The following PLXNA4 variants were observed in gnomAD, a reference collection of about 807,000 sequenced individuals.
The protein encoded by PLXNA4 is plexin A4, also known as plexin-A4.
Under a neutral mutation model 191.8 loss-of-function variants are expected in PLXNA4, and 44 were observed. That is an observed-to-expected ratio of 0.23 (90% CI 0.18 to 0.29). The LOEUF (loss-of-function observed/expected upper bound fraction) is 0.29, where lower values mean the gene tolerates loss of function less well. Ranked by LOEUF, PLXNA4 falls within the 10% of genes least tolerant of loss-of-function variation. The pLI, the probability that PLXNA4 is intolerant of heterozygous loss-of-function variation, is 1.00. For synonymous variants in PLXNA4, 1,082 were observed against 1,009.5 expected, an observed-to-expected ratio of 1.07 and a Z score of -1.36; for missense variants, 1,800 against 2,488.8, an observed-to-expected ratio of 0.72 and a Z score of 5.89.
chr7:132,211,881 C>T (rs1797813813), intron 9 of PLXNA4, among the ~76,000 whole-genome samples: 1 of 152,138 alleles, frequency 6.6e-6, no homozygotes, highest in Non-Finnish European at 1.5e-5. Flanking sequence ...CCCCTTTTTC[C>T]TGGGGCTATC....
At chr7:132,363,338 C>G (rs1804023149) in intron 3 of PLXNA4, among the ~76,000 whole-genome samples, 1 of 152,184 alleles carries the variant, frequency 6.6e-6, no homozygotes, top group South Asian at 2.1e-4. Context: ...TAAACAACAA[C>G]TCCCCATTCT....
At chr7:132,644,026 T>C (rs1160674425) in intron 2 of PLXNA4, among the ~76,000 whole-genome samples, 1 of 152,110 alleles carries the variant, frequency 6.6e-6, no homozygotes, top group African/African-American at 2.4e-5. Context: ...TTTGTGAAAA[T>C]GTTTAATTTC....
At chr7:132,454,285 A>C (rs1000879306) in intron 3 of PLXNA4, among the ~76,000 whole-genome samples, 11 of 152,304 alleles carry the variant, frequency 7.2e-5, no homozygotes, top group Non-Finnish European at 1.5e-4. Context: ...CGTGACTCTT[A>C]AGCCTCATCT....
intron 3 of PLXNA4, chr7:132,365,855 A>G (rs1232600453): frequency 1.3e-5 from 2 of 152,154 alleles, no homozygotes; most frequent in Non-Finnish European, 2.9e-5. Flanking sequence ...CTCTGCTTTC[A>G]TGTCGCTAAC....
intron 5 of PLXNA4, among the ~76,000 whole-genome samples, chr7:132,239,551 G>T (rs2117032002): frequency 6.6e-6 from 1 of 152,276 alleles, no homozygotes; most frequent in Admixed American, 6.5e-5. Context: ...CCCAAGTAAG[G>T]CAATGAGTTT....
At chr7:132,430,138 C>T (rs757062935) in intron 3 of PLXNA4, among the ~76,000 whole-genome samples, 2 of 152,180 alleles carry the variant, frequency 1.3e-5, no homozygotes, top group African/African-American at 2.4e-5. Flanking sequence ...ACTGCCTCTC[C>T]GTTTAGCAAC....
At chr7:132,454,023 C>T (rs1796224993) in intron 3 of PLXNA4, among the ~76,000 whole-genome samples, 1 of 152,216 alleles carries the variant, frequency 6.6e-6, no homozygotes, top group Non-Finnish European at 1.5e-5. Flanking sequence ...ACCCTTGTCC[C>T]TGCTCTCTGG....
intron 4 of PLXNA4, among the ~76,000 whole-genome samples, chr7:132,277,763 G>A (rs1038969052): frequency 7.9e-5 from 12 of 152,172 alleles, no homozygotes; most frequent in Admixed American, 2.6e-4. Flanking sequence ...TAGCAGGGCA[G>A]GAGAAACCAC....
rs11384399 is a variant in PLXNA4 at position 132,473,855 on chromosome 7, GA to G, written c.1371+15436del. 7.2e-3 allele frequency among the ~76,000 whole-genome samples: 1,057 copies of G among 145,988 alleles called. 14 individuals carry two copies. The highest frequency in any genetic ancestry group is 0.025 in the African/African-American group (994 of 39,098). On this transcript the variant is annotated intron_variant, in intron 3 of 31. Coordinates refer to ENST00000321063, the MANE Select transcript of PLXNA4 (RefSeq NM_020911.2). Reference sequence around the variant, plus strand: ...ATGTGCAAGACTCCGTCTCAAACAAGAAAAAAAAAAAGAAATTAAAATGTAC... The same window carrying G: ...ATGTGCAAGACTCCGTCTCAAACAAGAAAAAAAAAAGAAATTAAAATGTAC...
intron 3 of PLXNA4, among the ~76,000 whole-genome samples, chr7:132,300,882 C>G (rs1487531237): frequency 6.6e-6 from 1 of 152,236 alleles, no homozygotes; most frequent in Non-Finnish European, 1.5e-5. Context: ...TTGGCCTGAT[C>G]CCCAAATGAA....
chr7:132,508,189 C>T lies in PLXNA4; in HGVS notation c.505G>A (p.Val169Ile). The T allele has an allele frequency of 6.2e-7, 1 of 1,614,178 alleles. No homozygotes were observed. Among genetic ancestry groups the T allele is most frequent in the Non-Finnish European group, 8.5e-7 (1 of 1,180,022 alleles). The change falls in exon 2 of 32, where the codon GTC becomes ATC. Residue 169 changes from valine to isoleucine, a missense_variant. This residue lies in a region of PLXNA4 where 1,397 missense variants were observed against 1,880.4 expected (regional missense o/e 0.74). Transcript: ENST00000321063. The surrounding 1 kb of genome is among the most constrained non-coding windows in gnomAD (Gnocchi z 4.4). ...CTGTAGGAGACGATCACTCCAAAGA[C>T]TGAGCCGCTCTCGTTGACACCTGAC... ...YLSGVNESGS[V>I]FGVIVSYSNL...
intron 3 of PLXNA4, among the ~76,000 whole-genome samples, chr7:132,350,909 G>A (rs1458313909): frequency 6.6e-6 from 1 of 152,218 alleles, no homozygotes; most frequent in East Asian, 1.9e-4. Context: ...TAAAGAATGG[G>A]TGAATAAAAT....
intron 3 of PLXNA4, among the ~76,000 whole-genome samples, chr7:132,374,537 G>C (rs867786076): frequency 1.3e-5 from 2 of 152,170 alleles, no homozygotes; most frequent in Non-Finnish European, 1.5e-5. Flanking sequence ...GTATCAGAAC[G>C]CATCCATCAG....
At chr7:132,589,759 T>C (rs1244206202) in intron 2 of PLXNA4, among the ~76,000 whole-genome samples, 1 of 152,234 alleles carries the variant, frequency 6.6e-6, no homozygotes, top group African/African-American at 2.4e-5. Flanking sequence ...GCAATAGAAC[T>C]TCTTGCAGTG....
At chr7:132,378,572 G>T (rs561535746) in intron 3 of PLXNA4, among the ~76,000 whole-genome samples, 1 of 152,234 alleles carries the variant, frequency 6.6e-6, no homozygotes, top group Admixed American at 6.5e-5. Context: ...AAAACTACCA[G>T]ACATTCCAAG....
chr7:132,155,820 A>G (rs1795774995), intron 25 of PLXNA4, among the ~76,000 whole-genome samples: 1 of 152,128 alleles, frequency 6.6e-6, no homozygotes, highest in African/African-American at 2.4e-5. Flanking sequence ...ACATTATTCG[A>G]TATGTTTCTG....
rs748991545 is a variant in PLXNA4 at position 132,507,586 on chromosome 7, G to T, written c.1108C>A (p.Arg370=). The T allele has an allele frequency of 4.3e-6, 7 of 1,614,126 alleles. No homozygotes were observed. The highest frequency in any genetic ancestry group is 5.9e-6 in the Non-Finnish European group (7 of 1,180,032). ...LKQINDRIKE[R]LQSCYRGEGT... ...TCGCCCCGGTAACAAGACTGCAGCC[G>T]CTCCTTAATGCGGTCATTTATCTGC... The change falls in exon 2 of 32, where the codon CGG becomes AGG. Residue 370 remains arginine (R), a synonymous_variant. Transcript: ENST00000321063.
chr7:132,319,969 C>T (rs1802099672), intron 3 of PLXNA4, among the ~76,000 whole-genome samples: 1 of 152,212 alleles, frequency 6.6e-6, no homozygotes, highest in Admixed American at 6.5e-5. Flanking sequence ...TCTCAGACAC[C>T]TGAGTTGGAC....
intron 31 of PLXNA4, 56 bp downstream of exon 31, chr7:132,132,993 G>A (rs542914364): frequency 6.3e-7 from 1 of 1,582,976 alleles, no homozygotes; most frequent in South Asian, 1.2e-5. Flanking sequence ...ATGCAGGGTT[G>A]TCTTCATTCT....
Sources: gnomAD v4.1 joint callset for allele counts (sites outside exome capture counted in the v4.1 genomes callset) on GRCh38, gnomAD v4.1.1 for gene constraint, gnomAD v4.1.1 regional missense constraint, Gnocchi (gnomAD v3.1) non-coding constraint, MANE v1.5 for transcripts, NCBI Gene and HGNC (gene_info 2026-07-23, HGNC 2026-07-21) for gene names.